STAT3: variants seen among roughly 807,000 people sequenced by gnomAD.
The protein encoded by STAT3 is DNA-binding protein APRF.
STAT3 carries 7 observed loss-of-function variants against 114.3 expected under a neutral mutation model. That is an observed-to-expected ratio of 0.06 (90% CI 0.03 to 0.11). The LOEUF (loss-of-function observed/expected upper bound fraction) is 0.11. Among genes scored for constraint, STAT3 ranks in the 10% least tolerant of loss-of-function variants. STAT3 has a pLI of 1.00. For synonymous variants in STAT3, 331 were observed against 354.5 expected, an observed-to-expected ratio of 0.93 and a Z score of 0.74; for missense variants, 364 against 960.9, an observed-to-expected ratio of 0.38 and a Z score of 8.21.
chr17:42,338,607 G>A, intron 6 of STAT3, 124 bp downstream of exon 6: 1 of 862,946 alleles, frequency 1.2e-6, no homozygotes, highest in Non-Finnish European at 1.9e-6. Flanking sequence ...CTCCTTTGAG[G>A]ACCCGTACCT....
intron 1 of STAT3, among the ~76,000 whole-genome samples, chr17:42,380,517 T>C (rs1342104222): frequency 1.3e-5 from 2 of 151,966 alleles, no homozygotes; most frequent in South Asian, 4.2e-4. Flanking sequence ...CCCGAGTAGC[T>C]GGGATTACAG....
At chr17:42,338,868 A>AG in intron 5 of STAT3, 56 bp from the exon 6 acceptor site, 1 of 1,477,888 alleles carries the variant, frequency 6.8e-7, no homozygotes, top group Non-Finnish European at 9.4e-7. Flanking sequence ...CCTTGGGAAC[A>AG]GAAAATATAA....
At chr17:42,343,147 G>C (rs2082520021) in intron 4 of STAT3, among the ~76,000 whole-genome samples, 1 of 149,940 alleles carries the variant, frequency 6.7e-6, no homozygotes, top group Admixed American at 6.7e-5. Context: ...ACTCCAGCCT[G>C]GGTGACAGAG....
chr17:42,313,990 T>C lies in STAT3; in HGVS notation c.*1755A>G, dbSNP rs974542354. ...CTGATCAGCTGAGGCAAGGTGGTTT[T>C]GAGTTGCCAAATCCGGCCATGCCTC... On this transcript the variant is annotated 3_prime_UTR_variant, in exon 24 of 24. Coordinates refer to ENST00000264657, the MANE Select transcript of STAT3 (RefSeq NM_139276.3). 3.5e-5 allele frequency: 8 copies of C among 230,860 alleles called. No individual in the cohort carries two copies. In the Admixed American group the frequency reaches 4.0e-4, roughly 11 times the overall value. The allele number at this position is 230,860 out of a possible 1,614,324, so 14.3% of individuals were successfully genotyped here.
chr17:42,363,277 A>G (rs2083608449), intron 1 of STAT3, among the ~76,000 whole-genome samples: 1 of 152,208 alleles, frequency 6.6e-6, no homozygotes, highest in African/African-American at 2.4e-5. Flanking sequence ...TCACTGATTC[A>G]AGAATAATCC....
intron 1 of STAT3, among the ~76,000 whole-genome samples, chr17:42,353,358 A>AAAAAG (rs1555571906): frequency 2.7e-5 from 4 of 147,176 alleles, no homozygotes; most frequent in African/African-American, 1.0e-4. Context: ...AAAAAAAAAA[A>AAAAAG]AAAGAAAGAA....
chr17:42,362,265 G>C (rs143501773), intron 1 of STAT3, among the ~76,000 whole-genome samples: 75 of 152,298 alleles, frequency 4.9e-4, no homozygotes, highest in African/African-American at 1.7e-3. Context: ...AACCAAAAAG[G>C]GTTCAGGGTT....
At chr17:42,335,131 T>C (rs1344608790) in intron 8 of STAT3, among the ~76,000 whole-genome samples, 1 of 123,770 alleles carries the variant, frequency 8.1e-6, no homozygotes, top group East Asian at 2.0e-4. Context: ...CTTTCTTTCT[T>C]TTTTTTTTTT....
chr17:42,351,998 TC>T (rs1456973659), intron 1 of STAT3, among the ~76,000 whole-genome samples: 2 of 151,852 alleles, frequency 1.3e-5, no homozygotes, highest in Non-Finnish European at 2.9e-5. Context: ...TCTTATCAGT[TC>T]AAGACCAGTC....
intron 4 of STAT3, among the ~76,000 whole-genome samples, chr17:42,341,972 A>T (rs977775065): frequency 6.6e-5 from 10 of 151,880 alleles, no homozygotes; most frequent in African/African-American, 2.4e-4. Context: ...TGGCTTTCCT[A>T]CCTCCCATGG....
intron 1 of STAT3, among the ~76,000 whole-genome samples, chr17:42,361,708 A>G (rs2083517554): frequency 1.3e-5 from 2 of 152,124 alleles, no homozygotes; most frequent in Non-Finnish European, 2.9e-5. Flanking sequence ...ATGAAGCAGT[A>G]CACTGTAGAG....
intron 1 of STAT3, among the ~76,000 whole-genome samples, chr17:42,385,369 C>T (rs1039822863): frequency 6.6e-6 from 1 of 151,734 alleles, no homozygotes; most frequent in East Asian, 1.9e-4. Context: ...ATTAGCCGGG[C>T]GTAGTGGCGG....
At chr17:42,331,654 T>C (rs755450199) in intron 10 of STAT3, 123 bp from the exon 11 acceptor site, 2 of 794,464 alleles carry the variant, frequency 2.5e-6, no homozygotes, top group Non-Finnish European at 4.2e-6. Flanking sequence ...CTGTCTATAA[T>C]TACAGGCTCA....
chr17:42,361,415 G>A (rs922038278), intron 1 of STAT3, among the ~76,000 whole-genome samples: 8 of 151,692 alleles, frequency 5.3e-5, no homozygotes, highest in Non-Finnish European at 7.4e-5. Flanking sequence ...CCCGGGAGGC[G>A]GAGGTTGCAG....
chr17:42,333,437 C>T lies in STAT3; in HGVS notation c.1049+236G>A, dbSNP rs2082105546. ...AAGGAGAAGCTGTGGCCTGAGACTC[C>T]AGGTCTACAATCATAGGAATATGCC... On this transcript the variant is annotated intron_variant, in intron 10 of 23. Coordinates refer to ENST00000264657, the MANE Select transcript of STAT3 (RefSeq NM_139276.3). The surrounding 1 kb of genome is among the most constrained non-coding windows in gnomAD (Gnocchi z 5.2). 6.6e-6 allele frequency among the ~76,000 whole-genome samples: 1 copy of T among 152,226 alleles called. No homozygotes were observed. Among genetic ancestry groups the T allele is most frequent in the South Asian group, 2.1e-4 (1 of 4,826 alleles).
chr17:42,386,850 C>T (rs190760042), intron 1 of STAT3: 2 of 152,272 alleles, frequency 1.3e-5, no homozygotes, highest in East Asian at 3.9e-4. Context: ...AAATTCCAGA[C>T]TTGTTTCCCC....
At chr17:42,352,705 T>TTATG (rs1484073903) in intron 1 of STAT3, among the ~76,000 whole-genome samples, 7 of 151,838 alleles carry the variant, frequency 4.6e-5, no homozygotes, top group African/African-American at 1.7e-4. Context: ...ATGACCTGAC[T>TTATG]TATGCTATGC....
chr17:42,322,993 G>A lies in STAT3; in HGVS notation c.1888+11C>T, dbSNP rs1377483130. 3.7e-6 allele frequency: 6 copies of A among 1,613,066 alleles called. No homozygotes were observed. ...CCACCAGCAGGTGGGGTGGGTGGGA[G>A]CCTCCCTTACCGCTGATGTCCTTCT... is the stretch of plus-strand genomic sequence containing the variant. On this transcript the variant is annotated intron_variant, in intron 20 of 23. Transcript: ENST00000264657.
At chr17:42,388,154 TTCA>T in intron 1 of STAT3, 122 bp downstream of exon 1, 1 of 1,133,210 alleles carries the variant, frequency 8.8e-7, no homozygotes, top group South Asian at 4.6e-5. Flanking sequence ...TCCGCGTCTC[TTCA>T]TCTCTCCCGG....
Sources: gnomAD v4.1 joint callset for allele counts (sites outside exome capture counted in the v4.1 genomes callset) on GRCh38, gnomAD v4.1.1 for gene constraint, Gnocchi (gnomAD v3.1) non-coding constraint, MANE v1.5 for transcripts, NCBI Gene and HGNC (gene_info 2026-07-23, HGNC 2026-07-21) for gene names.